The following RCCD1 variants were observed in gnomAD, a reference collection of about 807,000 sequenced individuals.
The protein encoded by RCCD1 is RCC1 domain-containing protein 1.
In RCCD1, 40 loss-of-function variants were observed where a neutral mutation model predicts 37.6. That is an observed-to-expected ratio of 1.06 (90% CI 0.83 to 1.39). RCCD1 has a LOEUF of 1.39. RCCD1 is among the 40% of genes most tolerant of loss of function. The pLI, the probability that RCCD1 is intolerant of heterozygous loss-of-function variation, is 0.00. For synonymous variants in RCCD1, 263 were observed against 230.0 expected (o/e 1.14, Z -1.30); for missense variants, 577 against 517.3 (o/e 1.12, Z -1.12).
rs768168529 is a variant in RCCD1 at position 90,957,512 on chromosome 15, A to G, written c.557+9A>G. On this transcript the variant is annotated intron_variant, in intron 3 of 7. Transcript: ENST00000394258. ...TCCTGGGGCGGGGGCAGGTGAGCGGAGGCGGGGGCAGGTGAGGGCTGCTGA... is the reference window on the plus strand; with the variant it reads ...TCCTGGGGCGGGGGCAGGTGAGCGGGGGCGGGGGCAGGTGAGGGCTGCTGA... The G allele has an allele frequency of 4.5e-4, 717 of 1,577,608 alleles. 3 individuals carry two copies. In the Middle Eastern group the frequency reaches 7.2e-3, roughly 16 times the overall value.
At chr15:90,960,652 C>A in intron 6 of RCCD1, 154 bp downstream of exon 6, 1 of 698,608 alleles carries the variant, frequency 1.4e-6, no homozygotes, top group Non-Finnish European at 2.3e-6. Flanking sequence ...TGTTGTTTCA[C>A]AGTAGTTCCC....
chr15:90,957,241 T>G lies in RCCD1; in HGVS notation c.295T>G (p.Trp99Gly). ...GGGGCCGGAGGCGTTACTGCAGGTC[T>G]GGGCGGCCGAATCGGCGCTGCGTGG... ...GPGPEALLQVWAAESALRGEP... is the reference protein window; with the variant it reads ...GPGPEALLQVGAAESALRGEP... The change falls in exon 3 of 8, where the codon TGG becomes GGG. Residue 99 changes from tryptophan to glycine, a missense_variant. Transcript: ENST00000394258. 6.8e-7 allele frequency: 1 copy of G among 1,463,912 alleles called. No homozygotes were observed. The highest frequency in any genetic ancestry group is 9.0e-7 in the Non-Finnish European group (1 of 1,105,310). The allele number at this position is 1,463,912 out of a possible 1,614,324, so 90.7% of individuals were successfully genotyped here.
rs56199521 is a variant in RCCD1 at position 90,962,219 on chromosome 15, T to C, written c.*450T>C. The C allele has an allele frequency of 0.027, 4,241 of 155,634 alleles. 214 individuals carry two copies. Among genetic ancestry groups the C allele is most frequent in the African/African-American group, 0.095 (3,952 of 41,598 alleles). 9.6% of individuals were successfully genotyped at this position (155,634 alleles called of 1,614,324 possible). On this transcript the variant is annotated 3_prime_UTR_variant, in exon 8 of 8. Transcript: ENST00000394258. ...TTTGAGTGTTAGATAAATGGAATCC[T>C]GTGTATGTGCTTTTGTGTCGTTTTT...
chr15:90,956,059 A>G (rs1053602645), intron 1 of RCCD1, among the ~76,000 whole-genome samples: 1 of 152,176 alleles, frequency 6.6e-6, no homozygotes, highest in African/African-American at 2.4e-5. Flanking sequence ...GGAAGGTTCA[A>G]ACAGCACCGC....
chr15:90,961,890 C>T lies in RCCD1; in HGVS notation c.*121C>T. The T allele has an allele frequency of 4.1e-6, 4 of 974,206 alleles. No homozygotes were observed. The highest frequency in any genetic ancestry group is 6.1e-6 in the Non-Finnish European group (4 of 659,140). 60.3% of individuals were successfully genotyped at this position (974,206 alleles called of 1,614,324 possible). On this transcript the variant is annotated 3_prime_UTR_variant, in exon 8 of 8. Transcript: ENST00000394258. ...CCCCATCACAGTCCTGCCCTTCACC[C>T]TCAAGCACGGTCCTAAACTTGTCTG...
Position 90,962,966 on chromosome 15 carries a change from T to G in RCCD1, c.*1197T>G, listed in dbSNP as rs1232580176. 3 of 152,232 alleles carry G rather than the reference T, an allele frequency of 2.0e-5. No individual in the cohort carries two copies. Among genetic ancestry groups the G allele is most frequent in the Admixed American group, 6.5e-5 (1 of 15,280 alleles). 9.4% of individuals were successfully genotyped at this position (152,232 alleles called of 1,614,324 possible). ...TCAACTTATTTTGATAAAATAAGCT[T>G]ATCAGTAGTTTTCTTTATAGTTAAA... On this transcript the variant is annotated 3_prime_UTR_variant, in exon 8 of 8. Transcript: ENST00000394258.
At chr15:90,958,803 G>A (rs948005957) in intron 4 of RCCD1, among the ~76,000 whole-genome samples, 13 of 151,366 alleles carry the variant, frequency 8.6e-5, no homozygotes, top group Admixed American at 2.0e-4. Context: ...GTGGCGGCTC[G>A]TGCCTGTGGT....
intron 6 of RCCD1, 97 bp from the exon 7 acceptor site, chr15:90,960,928 T>C (rs142009732): frequency 9.0e-6 from 10 of 1,110,328 alleles, no homozygotes; most frequent in East Asian, 4.7e-5. Flanking sequence ...CTCATGAGGA[T>C]TGTAATATGC....
In RCCD1 at chr15:90,957,260, T is replaced by C; in HGVS notation, c.314T>C (p.Leu105Pro). Residue 105 changes from leucine (L) to proline (P), a missense_variant, in exon 3 of 8, where the codon CTG becomes CCG. By Grantham distance (98) the Leu-to-Pro change is moderately conservative. Coordinates refer to ENST00000394258, the MANE Select transcript of RCCD1 (RefSeq NM_001017919.2). The part of the protein sequence containing the change: ...LLQVWAAESA[L>P]RGEPLWAQNV... ...CAGGTCTGGGCGGCCGAATCGGCGCTGCGTGGGGAGCCATTGTGGGCCCAG... is the reference window on the plus strand; with the variant it reads ...CAGGTCTGGGCGGCCGAATCGGCGCCGCGTGGGGAGCCATTGTGGGCCCAG... The C allele has an allele frequency of 2.0e-6, 3 of 1,490,448 alleles. No homozygotes were observed. The highest frequency in any genetic ancestry group is 2.7e-6 in the Non-Finnish European group (3 of 1,115,978). 92.3% of individuals were successfully genotyped at this position (1,490,448 alleles called of 1,614,324 possible). A position where few individuals can be genotyped will look rare whatever the true frequency, so the allele number is the denominator to read the frequency against.
chr15:90,957,828 T>C, intron 4 of RCCD1, 103 bp downstream of exon 4: 1 of 1,446,842 alleles, frequency 6.9e-7, no homozygotes, highest in Non-Finnish European at 9.3e-7. Context: ...CCTTCCAAAT[T>C]CATCCATCCA....
At chr15:90,960,629 G>A (rs1024103362) in intron 6 of RCCD1, 131 bp downstream of exon 6, 6 of 829,162 alleles carry the variant, frequency 7.2e-6, no homozygotes, top group Admixed American at 2.9e-5. Flanking sequence ...CAGTGGATAA[G>A]CCCCAACCCC....
At chr15:90,955,752 G>T (rs1352386984) in intron 1 of RCCD1, 2 of 150,800 alleles carry the variant, frequency 1.3e-5, no homozygotes, top group East Asian at 3.9e-4. Context: ...TGAAGTTGGC[G>T]TTGCTGTTGT....
In RCCD1 at chr15:90,956,623, C is replaced by G. The variant is rs1175686611; in HGVS notation, c.-112C>G. On this transcript the variant is annotated 5_prime_UTR_variant, in exon 2 of 8. Transcript: ENST00000394258. ...TCTCCATTTTACAGATAAGGCAGCT[C>G]CAGCCCCTGGAAGGCCAGAGACTTG... 2.0e-6 allele frequency: 2 copies of G among 1,010,894 alleles called. No individual in the cohort carries two copies. Among genetic ancestry groups the G allele is most frequent in the Non-Finnish European group, 2.5e-6 (2 of 792,582 alleles). The allele number at this position is 1,010,894 out of a possible 1,614,324, so 62.6% of individuals were successfully genotyped here. A position where few individuals can be genotyped will look rare whatever the true frequency, so the allele number is the denominator to read the frequency against.
At chr15:90,955,705 A>T (rs62732960) in intron 1 of RCCD1, 1 of 70,940 alleles carries the variant, frequency 1.4e-5, no homozygotes, top group East Asian at 0.029. Context: ...TTATATTAAA[A>T]AAAAAAAAAA....
In RCCD1 at chr15:90,957,300, G is replaced by A; in HGVS notation, c.354G>A (p.Glu118=). The change falls in exon 3 of 8, where the codon GAG becomes GAA. Residue 118 remains glutamate (E), a synonymous_variant. Coordinates refer to ENST00000394258, the MANE Select transcript of RCCD1 (RefSeq NM_001017919.2). ...TGTGGGCCCAGAATGTGGTGCCCGA[G>A]GCCGAAGGGGAAGACGATCCGGCCG... ...EPLWAQNVVP[E]AEGEDDPAGE... 6.5e-7 allele frequency: 1 copy of A among 1,534,092 alleles called. No homozygotes were observed. Among genetic ancestry groups the A allele is most frequent in the Non-Finnish European group, 8.8e-7 (1 of 1,137,730 alleles).
intron 1 of RCCD1, 34 bp from the exon 2 acceptor site, chr15:90,956,578 T>G: frequency 1.5e-6 from 1 of 686,528 alleles, no homozygotes; most frequent in Non-Finnish European, 2.0e-6. Context: ...TCTGCCTTTG[T>G]GGTCGGGAGA....
In RCCD1 at chr15:90,956,917, C is replaced by A; in HGVS notation, c.166+17C>A. On this transcript the variant is annotated intron_variant, in intron 2 of 7. Coordinates refer to ENST00000394258, the MANE Select transcript of RCCD1 (RefSeq NM_001017919.2). ...TCGTGACCCGTGAGCACTCCCCGCC[C>A]CGTCCCCACTTATTCCAGCCGCGCT... The A allele has an allele frequency of 7.8e-7, 1 of 1,277,678 alleles. No individual in the cohort carries two copies. The highest frequency in any genetic ancestry group is 9.9e-7 in the Non-Finnish European group (1 of 1,013,926). The allele number at this position is 1,277,678 out of a possible 1,614,324, so 79.1% of individuals were successfully genotyped here.
chr15:90,960,051 C>T, intron 5 of RCCD1, 53 bp downstream of exon 5: 2 of 1,415,962 alleles, frequency 1.4e-6, no homozygotes, highest in South Asian at 2.4e-5. Flanking sequence ...GGCTGTCATT[C>T]CTAACTCCTG....
chr15:90,959,240 T>C (rs2037266272), intron 4 of RCCD1, among the ~76,000 whole-genome samples: 1 of 152,220 alleles, frequency 6.6e-6, no homozygotes, highest in South Asian at 2.1e-4. Context: ...TTGTGAGAAT[T>C]AAGTGATTAT....
Sources: allele counts gnomAD v4.1 joint callset (sites outside exome capture counted in the v4.1 genomes callset), GRCh38; gene constraint gnomAD v4.1.1; transcripts MANE v1.5; gene names NCBI Gene and HGNC (gene_info 2026-07-23, HGNC 2026-07-21).